IL18BP: variants seen among roughly 807,000 people sequenced by gnomAD.
IL18BP encodes the protein interleukin 18 binding protein, also known as interleukin-18-binding protein.
A neutral mutation model predicts 19.9 loss-of-function variants in IL18BP; 23 were observed. That is an observed-to-expected ratio of 1.15 (90% CI 0.83 to 1.64). The LOEUF (loss-of-function observed/expected upper bound fraction) is 1.64, where lower values mean the gene tolerates loss of function less well. Ranked by LOEUF, IL18BP falls within the 40% of genes most tolerant of loss-of-function variation. The pLI is 0.00. For synonymous variants in IL18BP, 107 were observed against 101.0 expected, an observed-to-expected ratio of 1.06 and a Z score of -0.35; for missense variants, 239 against 240.7, an observed-to-expected ratio of 0.99 and a Z score of 0.05.
chr11:72,007,675 C>T (rs754040131), downstream of IL18BP: 11 of 565,754 alleles, frequency 1.9e-5, no homozygotes, highest in Non-Finnish European at 3.1e-5. Flanking sequence ...GATGTCCCAT[C>T]CCCACCAGAT....
chr11:72,001,111 A>G, intron 3 of IL18BP, 90 bp from the exon 4 acceptor site: 2 of 1,515,124 alleles, frequency 1.3e-6, no homozygotes, highest in South Asian at 2.3e-5. Flanking sequence ...ATGCATGGGG[A>G]CTGGGGGGAG....
Position 72,000,387 on chromosome 11 carries a change from ACGT to A in IL18BP, c.70_72del (p.Val24del). ...TTGTGGGTCCTGCTCCTGTGTGCCCACGTCGTCACTCTCCTGGTCAGAGCCACA... is the reference window on the plus strand; with the variant it reads ...TTGTGGGTCCTGCTCCTGTGTGCCCACGTCACTCTCCTGGTCAGAGCCACA... On this transcript the variant is annotated inframe_deletion, in exon 3 of 6. Transcript: ENST00000393703. 3 of 1,613,976 alleles carry A rather than the reference ACGT, an allele frequency of 1.9e-6. No homozygotes were observed. Among genetic ancestry groups the A allele is most frequent in the Non-Finnish European group, 2.5e-6 (3 of 1,180,002 alleles).
chr11:72,001,594 C>G (rs764505265), intron 5 of IL18BP, 42 bp downstream of exon 5: 3 of 1,598,102 alleles, frequency 1.9e-6, no homozygotes, highest in Non-Finnish European at 2.6e-6. Flanking sequence ...AGGAGGAGCT[C>G]TGCTTCCATA....
Position 72,001,428 on chromosome 11 carries a change from C to T in IL18BP, c.383C>T (p.Thr128Met), listed in dbSNP as rs200152431. The change falls in exon 5 of 6, where the codon ACG becomes ATG. Residue 128 changes from threonine to methionine, a missense_variant. Coordinates refer to ENST00000393703, the MANE Select transcript of IL18BP (RefSeq NM_001039660.2). Reference protein sequence around the residue: ...STSRERGSTGTQLCKALVLEQ... With the variant: ...STSRERGSTGMQLCKALVLEQ... ...AGCCGGGAACGTGGGAGCACAGGTA[C>T]GCAGCTGTGCAAGGCCTTGGTGCTG... is the stretch of plus-strand genomic sequence containing the variant. 20 of 1,614,086 alleles carry T rather than the reference C, an allele frequency of 1.2e-5. No homozygotes were observed. Among genetic ancestry groups the T allele is most frequent in the South Asian group, 4.4e-5 (4 of 91,094 alleles).
chr11:72,007,282 C>G (rs535897791), downstream of IL18BP: 1 of 1,613,322 alleles, frequency 6.2e-7, no homozygotes, highest in Non-Finnish European at 8.5e-7. Flanking sequence ...CCAGGGAGTC[C>G]AGGCTGCTCT....
downstream of IL18BP, among the ~76,000 whole-genome samples, chr11:72,006,492 A>C (rs1304347124): frequency 6.6e-6 from 1 of 152,134 alleles, no homozygotes; most frequent in East Asian, 1.9e-4. Context: ...CATGGAGTCT[A>C]TTCATAATGC....
intron 3 of IL18BP, 73 bp from the exon 4 acceptor site, chr11:72,001,128 G>GA: frequency 1.3e-6 from 2 of 1,583,112 alleles, no homozygotes; most frequent in Non-Finnish European, 1.7e-6. Context: ...GGAGCTGGCA[G>GA]GGAGGGCACA....
downstream of IL18BP, chr11:72,004,582 G>C: frequency 6.5e-7 from 1 of 1,545,454 alleles, no homozygotes; most frequent in African/African-American, 1.4e-5. Context: ...AGTCCTTGGT[G>C]AGCTGGGCCT....
chr11:72,003,432 G>A (rs949593844), downstream of IL18BP: 5 of 1,240,832 alleles, frequency 4.0e-6, no homozygotes, highest in African/African-American at 4.4e-5. Flanking sequence ...GTTGGCCTGG[G>A]AGCTGAGAGA....
At chr11:72,003,846 T>C (rs370407554), downstream of IL18BP, 2 of 1,599,638 alleles carry the variant, frequency 1.3e-6, no homozygotes, top group Non-Finnish European at 1.7e-6. Context: ...GTGCCCATGC[T>C]CTCATCGGGT....
intron 1 of IL18BP, 142 bp downstream of exon 1, chr11:71,999,161 A>C: frequency 1.9e-6 from 1 of 516,768 alleles, no homozygotes; most frequent in Non-Finnish European, 3.9e-6. Context: ...GTAGCCTGGG[A>C]AAGGCCAGGA....
At chr11:72,003,949 T>C (rs757401282), downstream of IL18BP, 1 of 1,613,278 alleles carries the variant, frequency 6.2e-7, no homozygotes, top group South Asian at 1.1e-5. Context: ...GCTGTGGTGG[T>C]GGCAATGCGC....
At chr11:72,005,611 C>G (rs1266684226), downstream of IL18BP, 4 of 540,452 alleles carry the variant, frequency 7.4e-6, no homozygotes, top group Non-Finnish European at 1.3e-5. Context: ...GCTACTACAT[C>G]TTACTCACCT....
At chr11:72,003,815 C>G, downstream of IL18BP, 1 of 1,510,400 alleles carries the variant, frequency 6.6e-7, no homozygotes, top group Non-Finnish European at 9.1e-7. Context: ...TTGGATGCTA[C>G]TTGGTGGGGC....
rs761007086 is a variant in IL18BP, at chr11:72,000,470, C to T, written c.148C>T (p.Pro50Ser). The change falls in exon 3 of 6, where the codon CCC (proline) becomes TCC (serine). Residue 50 changes from proline (P) to serine (S), a missense_variant. Transcript: ENST00000393703. ...ATASVRSTKD[P>S]CPSQPPVFPA... ...TGCCTCAGTTAGAAGCACAAAGGAC[C>T]CCTGCCCCTCCCAGCCCCCAGTGTT... The T allele has an allele frequency of 6.2e-7, 1 of 1,614,064 alleles. No individual in the cohort carries two copies. Among genetic ancestry groups the T allele is most frequent in the African/African-American group, 1.3e-5 (1 of 75,032 alleles).
chr11:72,001,380 G>T, intron 4 of IL18BP, 25 bp from the exon 5 acceptor site: 1 of 1,614,184 alleles, frequency 6.2e-7, no homozygotes, highest in Non-Finnish European at 8.5e-7. Flanking sequence ...GCCTTCTCAT[G>T]ACCTTTCCTT....
downstream of IL18BP, chr11:72,004,825 G>A (rs780990522): frequency 5.1e-6 from 8 of 1,557,080 alleles, no homozygotes; most frequent in Admixed American, 1.5e-4. Flanking sequence ...GGCTGCATGG[G>A]TGGAAGAGGT....
downstream of IL18BP, chr11:72,005,724 C>T (rs562138637): frequency 1.3e-4 from 66 of 495,176 alleles, no homozygotes; most frequent in Admixed American, 4.8e-4. Context: ...CAAGAAGAGT[C>T]TGGCCAGCCT....
downstream of IL18BP, chr11:72,007,726 C>T (rs997426415): frequency 2.4e-5 from 11 of 464,010 alleles, no homozygotes; most frequent in African/African-American, 1.4e-4. Flanking sequence ...CAATCTAAGC[C>T]CACTTCTCTG....
Sources: allele counts gnomAD v4.1 joint callset (sites outside exome capture counted in the v4.1 genomes callset), GRCh38; gene constraint gnomAD v4.1.1; transcripts MANE v1.5; gene names NCBI Gene and HGNC (gene_info 2026-07-23, HGNC 2026-07-21).